Variants in ARHGEF3 observed in about 807,000 individuals in gnomAD.
ARHGEF3 encodes Rho guanine nucleotide exchange factor 3.
Under a neutral mutation model 63.2 loss-of-function variants are expected in ARHGEF3, and 28 were observed. The ratio of observed to expected loss-of-function variants is 0.44; its 90% CI spans 0.33 to 0.61. The LOEUF is 0.61. ARHGEF3 is among the 20% of genes least tolerant of loss of function. The pLI is 0.03. For synonymous variants in ARHGEF3, 266 were observed against 254.2 expected (o/e 1.05, Z -0.44); for missense variants, 533 against 659.3 (o/e 0.81, Z 2.10).
intron 4 of ARHGEF3, among the ~76,000 whole-genome samples, chr3:56,858,464 A>G (rs6445831): frequency 0.98 from 148,666 of 152,284 alleles, 72,668 homozygotes; most frequent in East Asian, 1. Flanking sequence ...CTGAGCCCCT[A>G]CCAGTGCCTG....
In ARHGEF3 at chr3:56,745,450, T is replaced by G; in HGVS notation, c.625A>C (p.Ser209Arg). 1 of 1,613,870 alleles carries G rather than the reference T, an allele frequency of 6.2e-7. No homozygotes were observed. The highest frequency in any genetic ancestry group is 8.5e-7 in the Non-Finnish European group (1 of 1,179,928). The change falls in exon 7 of 10, where the codon AGC becomes CGC. Residue 209 changes from serine (S) to arginine (R), a missense_variant. By Grantham distance (110) the Ser-to-Arg change is moderately radical. Around this residue, in one of 4 missense-constraint regions of ARHGEF3, gnomAD observed 107 missense variants for 207.9 expected, o/e 0.51. Coordinates refer to ENST00000296315, the MANE Select transcript of ARHGEF3 (RefSeq NM_019555.3). ...PILVGWLPCL[S>R]SYDSYCSNQV... The stretch of plus-strand genomic sequence containing the variant: ...TTGCTGCAGTAGCTATCATAGGAGC[T>G]GAGGCAAGGGAGCTAAGAAGGAAAC...
intron 3 of ARHGEF3, chr3:56,898,707 T>C: frequency 5.7e-6 from 1 of 176,582 alleles, no homozygotes; most frequent in Non-Finnish European, 1.3e-5. Flanking sequence ...AGCCATCAGG[T>C]TACAGCCGTG....
chr3:56,946,509 C>CTGGAAGAAAG (rs1257033819), intron 3 of ARHGEF3, among the ~76,000 whole-genome samples: 3 of 152,104 alleles, frequency 2.0e-5, no homozygotes, highest in Admixed American at 6.6e-5. Flanking sequence ...ATTCGATCAA[C>CTGGAAGAAAG]TGGAAGAAAG....
chr3:56,796,155 C>T (rs1578538401), intron 1 of ARHGEF3, among the ~76,000 whole-genome samples: 2 of 152,164 alleles, frequency 1.3e-5, no homozygotes, highest in East Asian at 3.9e-4. Context: ...GACAAAGTAG[C>T]CCTTCCAGAT....
intron 3 of ARHGEF3, among the ~76,000 whole-genome samples, chr3:56,930,399 C>G (rs1424015675): frequency 1.3e-5 from 2 of 152,106 alleles, no homozygotes; most frequent in African/African-American, 4.8e-5. Context: ...AGGTTGGTTT[C>G]TTCTAGAAAT....
chr3:56,768,689 AGAT>A (rs2035847391), intron 2 of ARHGEF3, among the ~76,000 whole-genome samples: 4 of 151,662 alleles, frequency 2.6e-5, no homozygotes, highest in South Asian at 2.1e-4. Flanking sequence ...AAAAAGAAGA[AGAT>A]GACGACAAAA....
At chr3:56,909,175 A>G (rs550446611) in intron 3 of ARHGEF3, among the ~76,000 whole-genome samples, 45 of 152,364 alleles carry the variant, frequency 3.0e-4, no homozygotes, top group South Asian at 8.3e-4. Context: ...ACCAGGAGCC[A>G]GGGGACCACA....
rs368980105 is a variant in ARHGEF3 at position 56,918,219 on chromosome 3, G to A, written c.130-35865C>T. 3.9e-5 allele frequency among the ~76,000 whole-genome samples: 6 copies of A among 152,334 alleles called. 1 individual carries two copies. The highest frequency in any genetic ancestry group is 3.9e-4 in the East Asian group (2 of 5,178). ...AGACAGTGCCCTGGGAAATGCGGGAGGCTCCATCACCCAGCCATTCCTCTC... is the reference window on the plus strand; with the variant it reads ...AGACAGTGCCCTGGGAAATGCGGGAAGCTCCATCACCCAGCCATTCCTCTC... On this transcript the variant is annotated intron_variant, in intron 3 of 12. Coordinates refer to the ARHGEF3 transcript ENST00000338458.
chr3:56,999,738 A>C (rs1702116969), intron 2 of ARHGEF3, among the ~76,000 whole-genome samples: 1 of 152,204 alleles, frequency 6.6e-6, no homozygotes, highest in Admixed American at 6.5e-5. Context: ...TCCAGGCTAC[A>C]CTGAGCTATG....
At chr3:56,756,579 T>C (rs375377042) in intron 2 of ARHGEF3, among the ~76,000 whole-genome samples, 4 of 146,732 alleles carry the variant, frequency 2.7e-5, no homozygotes, top group African/African-American at 1.0e-4. Flanking sequence ...AGACAGAGTC[T>C]TGCTCTGTCG....
chr3:56,933,126 G>T (rs909718161), intron 3 of ARHGEF3, among the ~76,000 whole-genome samples: 37 of 152,130 alleles, frequency 2.4e-4, no homozygotes, highest in African/African-American at 8.4e-4. Context: ...AGATACACAA[G>T]ATCTGAATTA....
At chr3:56,880,591 G>T (rs2040734212) in intron 4 of ARHGEF3, among the ~76,000 whole-genome samples, 1 of 152,188 alleles carries the variant, frequency 6.6e-6, no homozygotes, top group South Asian at 2.1e-4. Context: ...TCTTGCCTGA[G>T]TCATTACACC....
chr3:56,771,486 C>CA (rs2036001657), intron 2 of ARHGEF3, among the ~76,000 whole-genome samples: 1 of 152,162 alleles, frequency 6.6e-6, no homozygotes, highest in Non-Finnish European at 1.5e-5. Context: ...AAAAGCCTAC[C>CA]AACTAGGCAA....
chr3:57,027,005 T>C (rs1226778928), intron 2 of ARHGEF3, among the ~76,000 whole-genome samples: 3 of 152,194 alleles, frequency 2.0e-5, no homozygotes, highest in Admixed American at 2.0e-4. Context: ...CACCCTATGT[T>C]AGAAATTGTC....
At chr3:56,860,468 T>C (rs768360916) in intron 4 of ARHGEF3, among the ~76,000 whole-genome samples, 3 of 152,198 alleles carry the variant, frequency 2.0e-5, no homozygotes, top group Non-Finnish European at 4.4e-5. Flanking sequence ...GTGTCTAGCC[T>C]GTTTAAATAA....
chr3:57,007,993 C>A (rs1316921290), intron 2 of ARHGEF3, among the ~76,000 whole-genome samples: 1 of 152,174 alleles, frequency 6.6e-6, no homozygotes, highest in African/African-American at 2.4e-5. Context: ...GTGCCATGGT[C>A]CAGGGGCAGT....
In ARHGEF3 at chr3:57,018,278, CAAAAAA is replaced by C. The variant is rs57400379; in HGVS notation, c.62+16804_62+16809del. On this transcript the variant is annotated intron_variant, in intron 2 of 12. Transcript: ENST00000338458. ...TGGGTGACAGAGCAAGGCTCTGTCA[CAAAAAA>C]AAAAAAAAAAAAAACTTTAAAGGCC... Among the ~76,000 whole-genome samples, 283 of 111,654 alleles carry C rather than the reference CAAAAAA, an allele frequency of 2.5e-3. 3 individuals carry two copies. The highest frequency in any genetic ancestry group is 9.0e-3 in the African/African-American group (274 of 30,446). The allele number at this position is 111,654 out of a possible 152,430, so 73.2% of individuals were successfully genotyped here. A position where few individuals can be genotyped will look rare whatever the true frequency, so the allele number is the denominator to read the frequency against.
chr3:57,029,256 C>A (rs1411713418), intron 2 of ARHGEF3, among the ~76,000 whole-genome samples: 8 of 152,138 alleles, frequency 5.3e-5, no homozygotes, highest in Non-Finnish European at 1.0e-4. Context: ...CATGGAGAAA[C>A]CCCGTCTCTA....
chr3:56,899,324 C>T (rs1354863778), intron 3 of ARHGEF3, among the ~76,000 whole-genome samples: 3 of 152,192 alleles, frequency 2.0e-5, no homozygotes, highest in African/African-American at 7.2e-5. Flanking sequence ...AGCAACAGAT[C>T]ACATAACAAG....
Sources: gnomAD v4.1 joint callset for allele counts (sites outside exome capture counted in the v4.1 genomes callset) on GRCh38, gnomAD v4.1.1 for gene constraint, gnomAD v4.1.1 regional missense constraint, MANE v1.5 for transcripts, NCBI Gene and HGNC (gene_info 2026-07-23, HGNC 2026-07-21) for gene names.